The following MARCHF1 variants were observed in gnomAD, a reference collection of about 807,000 sequenced individuals.
The protein encoded by MARCHF1 is membrane associated ring-CH-type finger 1.
Under a neutral mutation model 54.2 loss-of-function variants are expected in MARCHF1, and 40 were observed. The observed-to-expected ratio is 0.74, with a 90% CI of 0.57 to 0.96. MARCHF1 has a LOEUF of 0.96. Among genes scored for constraint, MARCHF1 ranks in the 40% least tolerant of loss-of-function variants. MARCHF1 has a pLI of 0.00. For missense variants in MARCHF1, 586 were observed against 656.5 expected (o/e 0.89, Z 1.17); for synonymous variants, 236 against 236.3 (o/e 1.00, Z 0.01).
intron 2 of MARCHF1, among the ~76,000 whole-genome samples, chr4:164,103,014 A>C (rs929289109): frequency 4.0e-5 from 5 of 126,060 alleles, no homozygotes; most frequent in African/African-American, 1.5e-4. Flanking sequence ...AAAAGAGACA[A>C]AGAAGGCCAT....
chr4:164,104,107 A>T (rs1401160929), intron 2 of MARCHF1, among the ~76,000 whole-genome samples: 1 of 150,442 alleles, frequency 6.6e-6, no homozygotes, highest in East Asian at 2.0e-4. Context: ...AGGAGCTGAA[A>T]TTGTGGCAAT....
chr4:163,904,974 C>T (rs1427205470), intron 3 of MARCHF1, among the ~76,000 whole-genome samples: 1 of 152,028 alleles, frequency 6.6e-6, no homozygotes, highest in East Asian at 1.9e-4. Context: ...AGCAAAAATA[C>T]TGTTGTGATT....
At chr4:164,082,279 A>G (rs1755117547) in intron 2 of MARCHF1, among the ~76,000 whole-genome samples, 1 of 152,204 alleles carries the variant, frequency 6.6e-6, no homozygotes, top group African/African-American at 2.4e-5. Flanking sequence ...CTATCAGTGA[A>G]GTAAATTGTC....
Position 163,761,027 on chromosome 4 carries a change from C to T in MARCHF1, c.112-60164G>A, listed in dbSNP as rs186676255. ...GTGAATACTTCTGCAAATAAGAATACACCCAATGAGATAAACATAAAATAT... is the reference window on the plus strand; with the variant it reads ...GTGAATACTTCTGCAAATAAGAATATACCCAATGAGATAAACATAAAATAT... On this transcript the variant is annotated intron_variant, in intron 4 of 9. Coordinates refer to ENST00000514618, the MANE Select transcript of MARCHF1 (RefSeq NM_001394959.1). Among the ~76,000 whole-genome samples, 406 of 152,224 alleles carry T rather than the reference C, an allele frequency of 2.7e-3. 7 individuals are homozygous for T. The highest frequency in any genetic ancestry group is 0.014 in the Middle Eastern group (4 of 294).
chr4:163,905,250 T>G (rs559058260), intron 3 of MARCHF1, among the ~76,000 whole-genome samples: 127 of 152,144 alleles, frequency 8.3e-4, no homozygotes, highest in Middle Eastern at 3.4e-3. Context: ...ATCCTAAATG[T>G]CAAGCCTACT....
In MARCHF1 at chr4:164,318,064, G is replaced by A. The variant is rs527476735; in HGVS notation, c.-323+65806C>T. Among the ~76,000 whole-genome samples the A allele has an allele frequency of 5.9e-5, 9 of 152,212 alleles. No homozygotes were observed. In the East Asian group the frequency reaches 1.3e-3, roughly 23 times the overall value. ...ACTAAATGTATGCATTGGACAAATT[G>A]TTTAATTTTTGTCTACCTCAGGCTC... is the stretch of plus-strand genomic sequence containing the variant. On this transcript the variant is annotated intron_variant, in intron 1 of 9. Coordinates refer to ENST00000514618, the MANE Select transcript of MARCHF1 (RefSeq NM_001394959.1).
At chr4:164,150,082 A>T (rs1289847681) in intron 1 of MARCHF1, among the ~76,000 whole-genome samples, 1 of 152,164 alleles carries the variant, frequency 6.6e-6, no homozygotes, top group African/African-American at 2.4e-5. Flanking sequence ...AACAGCATAA[A>T]ATAAGCAACT....
chr4:163,776,463 A>C (rs2110887455), intron 4 of MARCHF1, among the ~76,000 whole-genome samples: 1 of 152,188 alleles, frequency 6.6e-6, no homozygotes, highest in African/African-American at 2.4e-5. Flanking sequence ...TGGTGAAAGA[A>C]GAAACTTCAT....
At chr4:164,025,715 A>G (rs1753753728) in intron 2 of MARCHF1, among the ~76,000 whole-genome samples, 1 of 151,930 alleles carries the variant, frequency 6.6e-6, no homozygotes, top group Non-Finnish European at 1.5e-5. Flanking sequence ...AAAAAAAAGG[A>G]AAGAACTAAA....
chr4:163,717,584 A>G (rs1211727718), intron 4 of MARCHF1, among the ~76,000 whole-genome samples: 2 of 152,144 alleles, frequency 1.3e-5, no homozygotes, highest in African/African-American at 4.8e-5. Context: ...TGACTTCCAC[A>G]ATGGTTGAAC....
intron 4 of MARCHF1, among the ~76,000 whole-genome samples, chr4:163,780,283 C>T (rs936002225): frequency 1.3e-5 from 2 of 152,178 alleles, no homozygotes; most frequent in African/African-American, 4.8e-5. Flanking sequence ...AAAAGGTGTG[C>T]ATGGAAAGCT....
intron 8 of MARCHF1, among the ~76,000 whole-genome samples, chr4:163,578,758 C>A (rs1041849880): frequency 6.6e-6 from 1 of 152,122 alleles, no homozygotes; most frequent in Non-Finnish European, 1.5e-5. Context: ...ACAGAAAATT[C>A]TTTCATCTTG....
chr4:164,045,671 C>A (rs1579487450), intron 2 of MARCHF1, among the ~76,000 whole-genome samples: 1 of 125,580 alleles, frequency 8.0e-6, no homozygotes. Context: ...TGAAATCATT[C>A]TGGCTTAGTA....
At chr4:164,181,451 C>G (rs767134832) in intron 1 of MARCHF1, among the ~76,000 whole-genome samples, 1 of 152,046 alleles carries the variant, frequency 6.6e-6, no homozygotes, top group Non-Finnish European at 1.5e-5. Context: ...TAACTATGTT[C>G]AAGAACTACA....
At chr4:164,183,742 A>G (rs1392233632) in intron 1 of MARCHF1, among the ~76,000 whole-genome samples, 1 of 152,214 alleles carries the variant, frequency 6.6e-6, no homozygotes, top group East Asian at 1.9e-4. Context: ...AATACAGCAG[A>G]GGAAGAAGCC....
intron 2 of MARCHF1, among the ~76,000 whole-genome samples, chr4:164,001,274 G>C (rs1477229106): frequency 1.3e-5 from 2 of 151,664 alleles, no homozygotes; most frequent in Admixed American, 6.6e-5. Flanking sequence ...AAAAGCATGT[G>C]GTTAGATTAG....
Position 163,548,842 on chromosome 4 carries a change from G to T in MARCHF1, c.1192-3099C>A, listed in dbSNP as rs140802510. On this transcript the variant is annotated intron_variant, in intron 8 of 9. Coordinates refer to ENST00000514618, the MANE Select transcript of MARCHF1 (RefSeq NM_001394959.1). ...TAAGAATGAGAAATGGAGAGGATAA[G>T]GATAGAAATCTTATTTTAACAAAGC... is the stretch of plus-strand genomic sequence containing the variant. 6.6e-4 allele frequency among the ~76,000 whole-genome samples: 100 copies of T among 152,312 alleles called. No individual in the cohort carries two copies. In the Middle Eastern group the frequency reaches 0.014, roughly 21 times the overall value.
intron 1 of MARCHF1, among the ~76,000 whole-genome samples, chr4:164,350,654 G>T (rs1730261960): frequency 1.3e-5 from 2 of 152,066 alleles, no homozygotes; most frequent in Admixed American, 1.3e-4. Context: ...AAAAGAAAAA[G>T]AAAAAACAAT....
intron 7 of MARCHF1, among the ~76,000 whole-genome samples, chr4:163,593,994 G>C (rs1409921003): frequency 6.6e-6 from 1 of 152,166 alleles, no homozygotes; most frequent in South Asian, 2.1e-4. Context: ...CCTTTAAGAA[G>C]TTTATATTGA....
Sources: gnomAD v4.1 joint callset for allele counts (sites outside exome capture counted in the v4.1 genomes callset) on GRCh38, gnomAD v4.1.1 for gene constraint, MANE v1.5 for transcripts, NCBI Gene and HGNC (gene_info 2026-07-23, HGNC 2026-07-21) for gene names.